Variants in SDK1 observed in about 807,000 individuals in gnomAD.
The protein encoded by SDK1 is sidekick cell adhesion molecule 1.
A neutral mutation model predicts 245.5 loss-of-function variants in SDK1; 157 were observed. The ratio of observed to expected loss-of-function variants is 0.64; its 90% CI spans 0.56 to 0.73. SDK1 has a LOEUF of 0.73. SDK1 is among the 30% of genes least tolerant of loss of function. The pLI, the probability that SDK1 is intolerant of heterozygous loss-of-function variation, is 0.00. For missense variants in SDK1, 3,583 were observed against 3,002.3 expected (o/e 1.19, Z -4.52); for synonymous variants, 1,647 against 1,278.5 (o/e 1.29, Z -6.15).
At chr7:4,157,732 T>G (rs1780856708) in intron 30 of SDK1, among the ~76,000 whole-genome samples, 1 of 152,192 alleles carries the variant, frequency 6.6e-6, no homozygotes, top group South Asian at 2.1e-4. Flanking sequence ...GGCCTCAGTT[T>G]TATCATCCTT....
At position 3,406,093 on chromosome 7, in the gene SDK1, G is replaced by A. The variant is rs1158509726; in HGVS notation, c.298+104209G>A. ...CTCCCAAAGTGCTGGGATTACAGGC[G>A]TGAGCCACCGCTCCTCGTCTGTTGT... On this transcript the variant is annotated intron_variant, in intron 1 of 44. Transcript: ENST00000404826. Among the ~76,000 whole-genome samples the A allele has an allele frequency of 2.6e-5, 4 of 152,190 alleles. 1 individual carries two copies. Among genetic ancestry groups the A allele is most frequent in the South Asian group, 4.2e-4 (2 of 4,814 alleles).
At chr7:4,254,920 A>G (rs771102073) in intron 44 of SDK1, among the ~76,000 whole-genome samples, 1 of 152,098 alleles carries the variant, frequency 6.6e-6, no homozygotes, top group Non-Finnish European at 1.5e-5. Context: ...GCCTGTCCCC[A>G]TTAAGATTCT....
chr7:4,077,707 C>G (rs7800574), intron 21 of SDK1, among the ~76,000 whole-genome samples: 48,516 of 152,010 alleles, frequency 0.32, 8,139 homozygotes, highest in Middle Eastern at 0.39. Context: ...TGCAAGGAAA[C>G]TCCCGTTTTT....
intron 1 of SDK1, among the ~76,000 whole-genome samples, chr7:3,381,680 C>T (rs1045739745): frequency 1.3e-5 from 2 of 152,142 alleles, no homozygotes; most frequent in Non-Finnish European, 1.5e-5. Flanking sequence ...TTGAGATCCA[C>T]AGCCCAGGGG....
chr7:3,655,485 A>ATGTATGTATGTATG lies in SDK1; in HGVS notation c.713+13381_713+13382insGTATGTATGTATGT, dbSNP rs1443267233. On this transcript the variant is annotated intron_variant, in intron 4 of 44. Transcript: ENST00000404826. Reference sequence around the variant, plus strand: ...TATATATATATATATATATATATATATATATATATATATATATATGTATGT... The same window carrying ATGTATGTATGTATG: ...TATATATATATATATATATATATATATGTATGTATGTATGTATATATATATATATATATGTATGT... Among the ~76,000 whole-genome samples, 36 of 67,814 alleles carry ATGTATGTATGTATG rather than the reference A, an allele frequency of 5.3e-4. 1 individual carries two copies. The highest frequency in any genetic ancestry group is 1.6e-3 in the African/African-American group (33 of 21,170). The allele number at this position is 67,814 out of a possible 152,430, so 44.5% of individuals were successfully genotyped here. A position where few individuals can be genotyped will look rare whatever the true frequency, so the allele number is the denominator to read the frequency against.
chr7:3,363,836 G>GT (rs1412306449), intron 1 of SDK1, among the ~76,000 whole-genome samples: 1 of 152,192 alleles, frequency 6.6e-6, no homozygotes, highest in African/African-American at 2.4e-5. Flanking sequence ...TCATGGACTG[G>GT]TAACAGTTGT....
chr7:3,677,978 T>A (rs776114702), intron 4 of SDK1, among the ~76,000 whole-genome samples: 1 of 152,162 alleles, frequency 6.6e-6, no homozygotes, highest in East Asian at 1.9e-4. Flanking sequence ...CCAGAGAAGA[T>A]ATACAAAAGG....
At chr7:4,142,053 C>T (rs1779615962) in intron 28 of SDK1, among the ~76,000 whole-genome samples, 1 of 151,982 alleles carries the variant, frequency 6.6e-6, no homozygotes, top group African/African-American at 2.4e-5. Context: ...CTGCGCCCTG[C>T]CGGGATAGGC....
chr7:3,894,177 C>T (rs950601042), intron 5 of SDK1, among the ~76,000 whole-genome samples: 1 of 152,200 alleles, frequency 6.6e-6, no homozygotes, highest in Non-Finnish European at 1.5e-5. Context: ...AAATAATCTT[C>T]AGAACATTTT....
At chr7:3,501,139 A>T (rs1309753501) in intron 1 of SDK1, among the ~76,000 whole-genome samples, 1 of 152,218 alleles carries the variant, frequency 6.6e-6, no homozygotes, top group East Asian at 1.9e-4. Context: ...GAGCATGCAG[A>T]TTAAAGATCT....
intron 28 of SDK1, among the ~76,000 whole-genome samples, chr7:4,139,415 G>A (rs13311049): frequency 0.16 from 14,008 of 85,340 alleles, 1,443 homozygotes; most frequent in African/African-American, 0.29. Context: ...GTGTGTATAT[G>A]TGTGTGTGTG....
chr7:3,885,762 T>C (rs1781323337), intron 5 of SDK1, among the ~76,000 whole-genome samples: 1 of 152,236 alleles, frequency 6.6e-6, no homozygotes, highest in East Asian at 1.9e-4. Context: ...GCTGCATTAG[T>C]TGTACAGTTC....
At chr7:3,564,174 A>G (rs1779834269) in intron 1 of SDK1, among the ~76,000 whole-genome samples, 1 of 152,158 alleles carries the variant, frequency 6.6e-6, no homozygotes, top group Non-Finnish European at 1.5e-5. Context: ...GCAAATTTCA[A>G]GGAAACAAGA....
chr7:3,881,170 A>G (rs894065201), intron 5 of SDK1, among the ~76,000 whole-genome samples: 5 of 151,998 alleles, frequency 3.3e-5, no homozygotes, highest in African/African-American at 4.8e-5. Flanking sequence ...AACCTGTGCC[A>G]TGGTGGTTTG....
chr7:3,886,206 C>A (rs1029018754), intron 5 of SDK1, among the ~76,000 whole-genome samples: 1 of 152,200 alleles, frequency 6.6e-6, no homozygotes, highest in African/African-American at 2.4e-5. Context: ...CCAGCAGTCA[C>A]CTTTGTTCAG....
At chr7:3,730,467 G>T (rs1239939101) in intron 4 of SDK1, among the ~76,000 whole-genome samples, 1 of 152,176 alleles carries the variant, frequency 6.6e-6, no homozygotes, top group Non-Finnish European at 1.5e-5. Context: ...TGAAATGACA[G>T]GTGGGTAGGA....
chr7:3,796,292 G>C (rs1414042231), intron 4 of SDK1, among the ~76,000 whole-genome samples: 1 of 152,260 alleles, frequency 6.6e-6, no homozygotes, highest in Non-Finnish European at 1.5e-5. Flanking sequence ...CGGATGGTCA[G>C]AGGAAATGGA....
intron 1 of SDK1, among the ~76,000 whole-genome samples, chr7:3,433,246 A>G (rs1242735225): frequency 3.3e-5 from 5 of 152,208 alleles, no homozygotes; most frequent in Non-Finnish European, 7.3e-5. Flanking sequence ...TCTAGTTTCA[A>G]CCAGCTTCAA....
chr7:4,243,023 T>C (rs2128238589), intron 43 of SDK1, among the ~76,000 whole-genome samples: 1 of 152,338 alleles, frequency 6.6e-6, no homozygotes, highest in African/African-American at 2.4e-5. Context: ...TGGTCACACC[T>C]TTCATTTCAT....
Sources: gnomAD v4.1 joint callset for allele counts (sites outside exome capture counted in the v4.1 genomes callset) on GRCh38, gnomAD v4.1.1 for gene constraint, MANE v1.5 for transcripts, NCBI Gene and HGNC (gene_info 2026-07-23, HGNC 2026-07-21) for gene names.